Variants in DOCK11 observed in about 807,000 individuals in gnomAD.
DOCK11 encodes dedicator of cytokinesis protein 11.
A neutral mutation model predicts 169.1 loss-of-function variants in DOCK11; 70 were observed. The ratio of observed to expected loss-of-function variants is 0.41; its 90% CI spans 0.34 to 0.51. The LOEUF (loss-of-function observed/expected upper bound fraction) is 0.51, where lower values mean the gene tolerates loss of function less well. Ranked by LOEUF, DOCK11 falls within the 20% of genes least tolerant of loss-of-function variation. The pLI, the probability that DOCK11 is intolerant of heterozygous loss-of-function variation, is 0.10. For synonymous variants in DOCK11, 529 were observed against 541.3 expected, an observed-to-expected ratio of 0.98 and a Z score of 0.32; for missense variants, 1,166 against 1,538.8, an observed-to-expected ratio of 0.76 and a Z score of 4.05.
chrX:118,544,645 C>CTTGTTTTTTTTTTTTTTTTT (rs2012173230), intron 4 of DOCK11, among the ~76,000 whole-genome samples: 1 of 23,343 alleles, frequency 4.3e-5, no homozygotes, highest in African/African-American at 1.8e-4. Flanking sequence ...TACACTGTTG[C>CTTGTTTTTTTTTTTTTTTTT]TTTTTTTTTT....
At chrX:118,509,896 C>T (rs1336594489) in intron 1 of DOCK11, among the ~76,000 whole-genome samples, 1 of 111,818 alleles carries the variant, frequency 8.9e-6, no homozygotes, top group East Asian at 2.8e-4. Context: ...TTCCTCCCTC[C>T]TCAAACCAGC....
chrX:118,647,139 ATGTGTGTGTGTGTGTGTG>A lies in DOCK11; in HGVS notation c.4399-1774_4399-1757del, dbSNP rs200211345. Among the ~76,000 whole-genome samples the A allele has an allele frequency of 3.5e-3, 299 of 85,522 alleles. 2 individuals carry two copies. Among genetic ancestry groups the A allele is most frequent in the African/African-American group, 0.011 (275 of 24,660 alleles). The allele number at this position is 85,522 out of a possible 115,157, so 74.3% of individuals were successfully genotyped here. ...CTATCAGTGTTTATGTGAAGAGGAT[ATGTGTGTGTGTGTGTGTG>A]TGTGTGTGTGTGTGTGTGTGTGTGT... On this transcript the variant is annotated intron_variant, in intron 40 of 52. Coordinates refer to ENST00000276202, the MANE Select transcript of DOCK11 (RefSeq NM_144658.4).
chrX:118,681,952 G>A (rs2016754517), intron 51 of DOCK11, among the ~76,000 whole-genome samples, 158 bp downstream of exon 51: 1 of 112,048 alleles, frequency 8.9e-6, no homozygotes, highest in Non-Finnish European at 1.9e-5. Flanking sequence ...GGCACTTTGA[G>A]CAAATGTGAG....
At chrX:118,656,518 A>G (rs2016075087) in intron 44 of DOCK11, among the ~76,000 whole-genome samples, 1 of 111,597 alleles carries the variant, frequency 9.0e-6, no homozygotes, top group Non-Finnish European at 1.9e-5. Context: ...TTTAAAAATC[A>G]CTGGTATGCA....
intron 32 of DOCK11, 64 bp downstream of exon 32, chrX:118,624,719 G>A (rs2015056742): frequency 8.8e-6 from 6 of 679,146 alleles, no homozygotes; most frequent in Non-Finnish European, 1.3e-5. Flanking sequence ...TGGAATTGGG[G>A]TCATATGCTA....
chrX:118,668,778 AAGG>A (rs2016398733), intron 45 of DOCK11, among the ~76,000 whole-genome samples: 1 of 111,414 alleles, frequency 9.0e-6, no homozygotes, highest in East Asian at 2.8e-4. Flanking sequence ...CTATATTGAT[AAGG>A]AGAAGGATCC....
At chrX:118,505,046 C>T (rs1451742803) in intron 1 of DOCK11, among the ~76,000 whole-genome samples, 1 of 112,101 alleles carries the variant, frequency 8.9e-6, no homozygotes, top group Non-Finnish European at 1.9e-5. Context: ...GTTTTTGAGA[C>T]GGGGTCTCGC....
intron 6 of DOCK11, among the ~76,000 whole-genome samples, chrX:118,550,613 T>A (rs2012459774): frequency 9.0e-6 from 1 of 111,315 alleles, no homozygotes; most frequent in Admixed American, 9.6e-5. Context: ...AGGCTAGAAC[T>A]TGAAGTGAAG....
At chrX:118,556,449 T>A (rs2012696334) in intron 6 of DOCK11, among the ~76,000 whole-genome samples, 1 of 108,699 alleles carries the variant, frequency 9.2e-6, no homozygotes. Context: ...CAGAAGGGGT[T>A]CAAAAAGGTT....
chrX:118,615,722 G>T lies in DOCK11; in HGVS notation c.3292+11G>T, dbSNP rs1435267886. 8.6e-7 allele frequency: 1 copy of T among 1,164,963 alleles called. No individual in the cohort carries two copies. Among genetic ancestry groups the T allele is most frequent in the South Asian group, 1.8e-5 (1 of 54,640 alleles). On this transcript the variant is annotated intron_variant, in intron 30 of 52. Coordinates refer to ENST00000276202, the MANE Select transcript of DOCK11 (RefSeq NM_144658.4). ...TGCAGCGGGTTCAAGGCATGTATTT[G>T]CATTTTCCATCATTTGAGTTTGTTT... is the stretch of plus-strand genomic sequence containing the variant.
At chrX:118,545,184 G>T in intron 4 of DOCK11, 139 bp from the exon 5 acceptor site, 1 of 394,429 alleles carries the variant, frequency 2.5e-6, no homozygotes, top group Non-Finnish European at 4.3e-6. Flanking sequence ...AGGATGTCTT[G>T]GCATTTTCTC....
At position 118,627,697 on chromosome X, in the gene DOCK11, A is replaced by T; in HGVS notation, c.3664+118A>T. 7.6e-6 allele frequency: 4 copies of T among 522,974 alleles called. No individual in the cohort carries two copies. The South Asian group carries it at 1.5e-4, about 19-fold the overall frequency. 43.1% of individuals were successfully genotyped at this position (522,974 alleles called of 1,213,427 possible). ...CCATACATAGCTTGATCTCTACTAA[A>T]GTTTAATTAAAATCTGACTTATACT... On this transcript the variant is annotated intron_variant, in intron 33 of 52. Coordinates refer to ENST00000276202, the MANE Select transcript of DOCK11 (RefSeq NM_144658.4).
intron 6 of DOCK11, among the ~76,000 whole-genome samples, chrX:118,557,763 CAAAAAAAAAAAAAA>C (rs773728594): frequency 8.2e-5 from 2 of 24,334 alleles, no homozygotes; most frequent in Non-Finnish European, 1.2e-4. Context: ...GACTCTGTCT[CAAAAAAAAAAAAAA>C]AAAAAAAAAA....
At position 118,651,696 on chromosome X, in the gene DOCK11, G is replaced by C. The variant is rs1459160551; in HGVS notation, c.4582-268G>C. 3.6e-5 allele frequency among the ~76,000 whole-genome samples: 4 copies of C among 111,970 alleles called. No homozygotes were observed. The Admixed American group carries it at 3.8e-4, about 11-fold the overall frequency. ...GTATCAGTTCACTATTATGAAAATA[G>C]TTTTAGATCTGGCTATGCTATGAGT... On this transcript the variant is annotated intron_variant, in intron 41 of 52. Coordinates refer to ENST00000276202, the MANE Select transcript of DOCK11 (RefSeq NM_144658.4).
chrX:118,595,540 G>A (rs1198529704), intron 20 of DOCK11, among the ~76,000 whole-genome samples: 1 of 111,638 alleles, frequency 9.0e-6, no homozygotes, highest in Non-Finnish European at 1.9e-5. Context: ...GTTCAGGGTA[G>A]GGGCTTTGAG....
rs1406594659 is a variant in DOCK11 at position 118,629,157 on chromosome X, T to C, written c.3774+885T>C. 3.6e-5 allele frequency among the ~76,000 whole-genome samples: 4 copies of C among 111,713 alleles called. No individual in the cohort carries two copies. In the East Asian group the frequency reaches 1.1e-3, roughly 31 times the overall value. ...TGTTGATGCTGCTGGTTGGGTATTGTTACCCTTGAGAACCAGTGGACTATA... is the reference window on the plus strand; with the variant it reads ...TGTTGATGCTGCTGGTTGGGTATTGCTACCCTTGAGAACCAGTGGACTATA... On this transcript the variant is annotated intron_variant, in intron 34 of 52. Coordinates refer to ENST00000276202, the MANE Select transcript of DOCK11 (RefSeq NM_144658.4).
At chrX:118,497,195 TAA>T (rs1398890222) in intron 1 of DOCK11, among the ~76,000 whole-genome samples, 2 of 112,564 alleles carry the variant, frequency 1.8e-5, no homozygotes, top group Non-Finnish European at 3.7e-5. Flanking sequence ...TTTCACCGTT[TAA>T]GAGAGGGCTC....
At chrX:118,520,777 A>T (rs771621185) in intron 1 of DOCK11, among the ~76,000 whole-genome samples, 1 of 112,342 alleles carries the variant, frequency 8.9e-6, no homozygotes, top group Non-Finnish European at 1.9e-5. Flanking sequence ...TGGAGCAGAA[A>T]CTTTTCCAAA....
chrX:118,542,793 CA>C lies in DOCK11; in HGVS notation c.172del (p.Ser58AlafsTer19). 1 of 1,210,230 alleles carries C rather than the reference CA, an allele frequency of 8.3e-7. No individual in the cohort carries two copies. On this transcript the variant is annotated frameshift_variant, in exon 2 of 53. Coordinates refer to ENST00000276202, the MANE Select transcript of DOCK11 (RefSeq NM_144658.4). LOFTEE classifies it high-confidence loss of function. ...VIAQRKTQIY[S>X]DPLRDLLMFP... ...TTGCCCAAAGAAAAACCCAGATTTA[CA>C]GCGACCCCCTCCGAGATCTGCTTAT...
Sources: gnomAD v4.1 joint callset for allele counts (sites outside exome capture counted in the v4.1 genomes callset) on GRCh38, gnomAD v4.1.1 for gene constraint, MANE v1.5 for transcripts, NCBI Gene and HGNC (gene_info 2026-07-23, HGNC 2026-07-21) for gene names.